Variants in AFF3 observed in about 807,000 individuals in gnomAD.
AFF3 encodes AF4/FMR2 family member 3.
Under a neutral mutation model 129.7 loss-of-function variants are expected in AFF3, and 32 were observed. The observed-to-expected ratio is 0.25, with a 90% CI of 0.19 to 0.33. The LOEUF (loss-of-function observed/expected upper bound fraction) is 0.33, where lower values mean the gene tolerates loss of function less well. Among genes scored for constraint, AFF3 ranks in the 10% least tolerant of loss-of-function variants. The pLI is 1.00. For missense variants in AFF3, 1,373 were observed against 1,592.0 expected (o/e 0.86, Z 2.34); for synonymous variants, 644 against 635.4 (o/e 1.01, Z -0.20).
At chr2:100,041,123 G>A (rs1459442314) in intron 4 of AFF3, among the ~76,000 whole-genome samples, 1 of 152,226 alleles carries the variant, frequency 6.6e-6, no homozygotes, top group Non-Finnish European at 1.5e-5. Flanking sequence ...AGCCTTGTGA[G>A]CATATGACAC....
chr2:99,692,333 G>T (rs1447075063), intron 11 of AFF3, among the ~76,000 whole-genome samples: 1 of 152,130 alleles, frequency 6.6e-6, no homozygotes, highest in African/African-American at 2.4e-5. Context: ...GGAGACAGGA[G>T]AGTGGATTCT....
intron 8 of AFF3, among the ~76,000 whole-genome samples, chr2:99,760,117 A>C (rs1682456702): frequency 6.6e-6 from 1 of 152,242 alleles, no homozygotes. Context: ...GATTAATATC[A>C]AGCTGAGTTT....
At chr2:99,732,988 T>C (rs1264076044) in intron 10 of AFF3, among the ~76,000 whole-genome samples, 1 of 152,184 alleles carries the variant, frequency 6.6e-6, no homozygotes, top group Non-Finnish European at 1.5e-5. Context: ...TAAAAATTAT[T>C]TTTTAGTATT....
intron 11 of AFF3, among the ~76,000 whole-genome samples, chr2:99,723,552 C>T (rs558689039): frequency 7.2e-5 from 11 of 152,234 alleles, no homozygotes; most frequent in African/African-American, 1.9e-4. Flanking sequence ...CTGTTTTCTT[C>T]GCTCTGCTCC....
chr2:99,763,655 A>G (rs544101747), intron 8 of AFF3, among the ~76,000 whole-genome samples: 11 of 152,316 alleles, frequency 7.2e-5, no homozygotes, highest in African/African-American at 2.4e-4. Flanking sequence ...AAAAATATCT[A>G]TTTCTCATAG....
At chr2:99,727,770 C>T (rs1679479484) in intron 10 of AFF3, among the ~76,000 whole-genome samples, 1 of 152,070 alleles carries the variant, frequency 6.6e-6, no homozygotes, top group South Asian at 2.1e-4. Context: ...CCATGTTGGC[C>T]AGGCTGGTCT....
chr2:99,849,058 T>C (rs1689943962), intron 7 of AFF3, among the ~76,000 whole-genome samples: 1 of 151,974 alleles, frequency 6.6e-6, no homozygotes, highest in African/African-American at 2.4e-5. Flanking sequence ...CTTAGGTAAA[T>C]GGTGTAGTGT....
intron 7 of AFF3, among the ~76,000 whole-genome samples, chr2:99,896,390 A>ACCCACTC (rs1693946240): frequency 6.6e-6 from 1 of 151,720 alleles, no homozygotes; most frequent in African/African-American, 2.4e-5. Context: ...AGCCATCCTG[A>ACCCACTC]CCCACTCCCA....
chr2:99,950,131 A>C (rs1404054614), intron 7 of AFF3, among the ~76,000 whole-genome samples: 6 of 152,206 alleles, frequency 3.9e-5, no homozygotes, highest in Non-Finnish European at 5.9e-5. Context: ...ACTACTAACA[A>C]AGTGACTTTA....
chr2:100,026,594 C>T (rs1294066383), intron 4 of AFF3, among the ~76,000 whole-genome samples: 1 of 151,984 alleles, frequency 6.6e-6, no homozygotes, highest in Non-Finnish European at 1.5e-5. Context: ...AAGATACTTG[C>T]ACATGCATGT....
At chr2:99,956,604 T>C (rs1676676063) in intron 7 of AFF3, among the ~76,000 whole-genome samples, 1 of 152,234 alleles carries the variant, frequency 6.6e-6, no homozygotes, top group Non-Finnish European at 1.5e-5. Flanking sequence ...TTAAAATAAA[T>C]TTAAATGATT....
intron 7 of AFF3, among the ~76,000 whole-genome samples, chr2:99,966,419 G>A (rs563501437): frequency 3.2e-4 from 49 of 152,076 alleles, no homozygotes; most frequent in Non-Finnish European, 5.4e-4. Flanking sequence ...GGCCGGGCGC[G>A]GTGGCTCACG....
At chr2:99,919,613 T>C (rs1695720883) in intron 7 of AFF3, among the ~76,000 whole-genome samples, 1 of 152,178 alleles carries the variant, frequency 6.6e-6, no homozygotes, top group Admixed American at 6.5e-5. Context: ...TACTAAATAA[T>C]CTCTTTTGTC....
rs113119694 is a variant in AFF3, at chr2:99,797,098, G to A, written c.921+40379C>T. On this transcript the variant is annotated intron_variant, in intron 8 of 24. Transcript: ENST00000672756. ...TTACCAGATAGACAGATCACCATACGTGCAAAGAAGCAAGAAAGTGCAACC... is the reference window on the plus strand; with the variant it reads ...TTACCAGATAGACAGATCACCATACATGCAAAGAAGCAAGAAAGTGCAACC... Among the ~76,000 whole-genome samples, 8 of 152,238 alleles carry A rather than the reference G, an allele frequency of 5.3e-5. No homozygotes were observed. In the South Asian group the frequency reaches 1.0e-3, roughly 20 times the overall value.
At chr2:99,697,189 G>A (rs1376817545) in intron 11 of AFF3, among the ~76,000 whole-genome samples, 3 of 152,208 alleles carry the variant, frequency 2.0e-5, no homozygotes, top group Non-Finnish European at 2.9e-5. Context: ...TGGCGAGGGC[G>A]TGTTTTACAA....
chr2:99,676,417 G>A (rs868664545), intron 11 of AFF3, among the ~76,000 whole-genome samples: 3 of 152,192 alleles, frequency 2.0e-5, no homozygotes, highest in African/African-American at 4.8e-5. Flanking sequence ...GGACTCCAGC[G>A]TCACACTGCC....
chr2:99,682,954 T>A (rs2104569567), intron 11 of AFF3, among the ~76,000 whole-genome samples: 1 of 152,364 alleles, frequency 6.6e-6, no homozygotes, highest in East Asian at 1.9e-4. Flanking sequence ...TTAGCAGTTT[T>A]CTGTTATTCT....
chr2:100,134,396 T>A (rs191735777), intron 1 of AFF3, among the ~76,000 whole-genome samples: 297 of 152,356 alleles, frequency 1.9e-3, no homozygotes, highest in African/African-American at 6.9e-3. Flanking sequence ...TCTGAATTTA[T>A]TTGACAGAGC....
At chr2:99,919,221 TTAA>T in intron 7 of AFF3, among the ~76,000 whole-genome samples, 1 of 152,338 alleles carries the variant, frequency 6.6e-6, no homozygotes, top group Non-Finnish European at 1.5e-5. Context: ...CATAAAACTA[TTAA>T]TGTTTATCTC....
Sources: allele counts gnomAD v4.1 joint callset (sites outside exome capture counted in the v4.1 genomes callset), GRCh38; gene constraint gnomAD v4.1.1; transcripts MANE v1.5; gene names NCBI Gene and HGNC (gene_info 2026-07-23, HGNC 2026-07-21).